ADCY2: variants seen among roughly 807,000 people sequenced by gnomAD.
ADCY2 encodes the protein adenylate cyclase 2.
Under a neutral mutation model 125.2 loss-of-function variants are expected in ADCY2, and 31 were observed. The ratio of observed to expected loss-of-function variants is 0.25; its 90% CI spans 0.19 to 0.33. ADCY2 has a LOEUF of 0.33. ADCY2 is among the 10% of genes least tolerant of loss of function. The pLI is 1.00. For missense variants in ADCY2, 904 were observed against 1,418.2 expected, an observed-to-expected ratio of 0.64 and a Z score of 5.82; for synonymous variants, 512 against 548.4, an observed-to-expected ratio of 0.93 and a Z score of 0.93.
chr5:7,445,235 G>A (rs1741197576), intron 2 of ADCY2, among the ~76,000 whole-genome samples: 1 of 151,950 alleles, frequency 6.6e-6, no homozygotes, highest in Non-Finnish European at 1.5e-5. Flanking sequence ...CTGATTCATG[G>A]GGCATTTGTC....
At chr5:7,536,392 C>T (rs889419923) in intron 3 of ADCY2, among the ~76,000 whole-genome samples, 47 of 152,256 alleles carry the variant, frequency 3.1e-4, no homozygotes, top group African/African-American at 1.0e-3. Flanking sequence ...GAACAAGAGG[C>T]GACTTGAAAC....
chr5:7,581,799 G>A (rs1272641087), intron 3 of ADCY2, among the ~76,000 whole-genome samples: 5 of 136,908 alleles, frequency 3.7e-5, no homozygotes, highest in African/African-American at 1.5e-4. Flanking sequence ...CCAGGCTGGC[G>A]ACAGAGCAAG....
intron 2 of ADCY2, among the ~76,000 whole-genome samples, chr5:7,475,378 C>G (rs1742483889): frequency 6.6e-6 from 1 of 151,502 alleles, no homozygotes. Context: ...CAGGGAGAAA[C>G]TTGAGATTTT....
chr5:7,570,960 T>C (rs983145349), intron 3 of ADCY2, among the ~76,000 whole-genome samples: 5 of 152,142 alleles, frequency 3.3e-5, no homozygotes, highest in African/African-American at 1.2e-4. Context: ...TGTTAATGCA[T>C]TGATTGTTGA....
intron 3 of ADCY2, among the ~76,000 whole-genome samples, chr5:7,594,112 A>G (rs1435253420): frequency 6.6e-6 from 1 of 152,172 alleles, no homozygotes; most frequent in Non-Finnish European, 1.5e-5. Flanking sequence ...GAGTAAAAGA[A>G]TGACATGGTC....
intron 7 of ADCY2, among the ~76,000 whole-genome samples, chr5:7,703,528 T>C (rs1741159693): frequency 6.6e-6 from 1 of 152,190 alleles, no homozygotes; most frequent in Admixed American, 6.5e-5. Flanking sequence ...AAAGATCAGA[T>C]GGTTGTAGAT....
At chr5:7,417,053 C>A (rs970951622) in intron 2 of ADCY2, among the ~76,000 whole-genome samples, 8 of 152,046 alleles carry the variant, frequency 5.3e-5, no homozygotes, top group Non-Finnish European at 1.0e-4. Context: ...ATATTTAAAG[C>A]CTAAGAATTA....
chr5:7,811,685 G>C (rs1295895056), intron 22 of ADCY2, among the ~76,000 whole-genome samples: 1 of 152,030 alleles, frequency 6.6e-6, no homozygotes, highest in Non-Finnish European at 1.5e-5. Flanking sequence ...TCATAAGCGT[G>C]ACCTCCTGCT....
chr5:7,611,512 A>C (rs1737571820), intron 3 of ADCY2, among the ~76,000 whole-genome samples: 1 of 152,178 alleles, frequency 6.6e-6, no homozygotes, highest in African/African-American at 2.4e-5. Flanking sequence ...CCACTGGAAA[A>C]AATGGAAATG....
chr5:7,753,219 C>A (rs1236680950), intron 15 of ADCY2, among the ~76,000 whole-genome samples: 2 of 152,130 alleles, frequency 1.3e-5, no homozygotes, highest in Non-Finnish European at 2.9e-5. Context: ...TATATTTCTT[C>A]TTTTATTACA....
At chr5:7,823,867 T>C (rs777469246) in intron 24 of ADCY2, among the ~76,000 whole-genome samples, 2 of 152,116 alleles carry the variant, frequency 1.3e-5, no homozygotes, top group African/African-American at 2.4e-5. Flanking sequence ...AAAGAGGATA[T>C]TGGGCTTCAT....
intron 2 of ADCY2, among the ~76,000 whole-genome samples, chr5:7,421,960 T>C (rs569798919): frequency 1.2e-4 from 18 of 152,318 alleles, no homozygotes; most frequent in African/African-American, 4.3e-4. Context: ...ACTGGTCCAA[T>C]CACATTGCTG....
chr5:7,659,992 T>A (rs1431869888), intron 4 of ADCY2, among the ~76,000 whole-genome samples: 1 of 152,088 alleles, frequency 6.6e-6, no homozygotes, highest in Admixed American at 6.5e-5. Context: ...TAAATGCACA[T>A]GGACACAAAG....
At chr5:7,757,222 G>A (rs1048520690) in intron 15 of ADCY2, among the ~76,000 whole-genome samples, 1 of 152,170 alleles carries the variant, frequency 6.6e-6, no homozygotes, top group Non-Finnish European at 1.5e-5. Flanking sequence ...CAAGCACATT[G>A]TACCTTTGTC....
At chr5:7,743,641 G>T in intron 14 of ADCY2, 27 bp from the exon 15 acceptor site, 1 of 1,607,164 alleles carries the variant, frequency 6.2e-7, no homozygotes, top group Non-Finnish European at 8.5e-7. Context: ...TCTCCACCCT[G>T]ACTTGCTGCT....
intron 3 of ADCY2, among the ~76,000 whole-genome samples, chr5:7,589,547 G>A (rs1736780617): frequency 7.2e-6 from 1 of 138,722 alleles, no homozygotes; most frequent in Non-Finnish European, 1.6e-5. Flanking sequence ...AGGAGGGAGG[G>A]AAGGAGGAAG....
At chr5:7,826,567 T>C (rs6887726) in intron 24 of ADCY2, 152 bp from the exon 25 acceptor site, 535,323 of 972,208 alleles carry the variant, frequency 0.55, 149,856 homozygotes, top group Admixed American at 0.63. Flanking sequence ...CTTTTTTTCT[T>C]GTGGATTACT....
chr5:7,536,900 A>G (rs1400424392), intron 3 of ADCY2, among the ~76,000 whole-genome samples: 2 of 152,166 alleles, frequency 1.3e-5, no homozygotes, highest in Admixed American at 6.5e-5. Flanking sequence ...GTGCAGGAAT[A>G]GTTTTTTTCT....
At chr5:7,413,094 G>C (rs975188225) in intron 1 of ADCY2, among the ~76,000 whole-genome samples, 2 of 152,156 alleles carry the variant, frequency 1.3e-5, no homozygotes, top group Admixed American at 6.5e-5. Context: ...CCAAGACTCC[G>C]TGTGGATTTT....
Sources: gnomAD v4.1 joint callset for allele counts (sites outside exome capture counted in the v4.1 genomes callset) on GRCh38, gnomAD v4.1.1 for gene constraint, MANE v1.5 for transcripts, NCBI Gene and HGNC (gene_info 2026-07-23, HGNC 2026-07-21) for gene names.